Variants in DSP observed in about 807,000 individuals in gnomAD.
DSP encodes 250/210 kDa paraneoplastic pemphigus antigen.
In DSP, 114 loss-of-function variants were observed where a neutral mutation model predicts 290.6. The observed-to-expected ratio is 0.39, with a 90% CI of 0.34 to 0.46. The LOEUF is 0.46. Ranked by LOEUF, DSP falls within the 20% of genes least tolerant of loss-of-function variation. DSP has a pLI of 0.99. For synonymous variants in DSP, 1,311 were observed against 1,316.4 expected, an observed-to-expected ratio of 1.00 and a Z score of 0.09; for missense variants, 3,230 against 3,495.8, an observed-to-expected ratio of 0.92 and a Z score of 1.92.
chr6:7,577,940 C>A, intron 21 of DSP, 54 bp downstream of exon 21: 1 of 1,413,472 alleles, frequency 7.1e-7, no homozygotes, highest in South Asian at 1.2e-5. Context: ...TGCTTCTTCC[C>A]TTTTCCCTGT....
rs1267584840 is a variant in DSP, at chr6:7,574,691, C to T, written c.2332C>T (p.Leu778Phe). ...AGTAAGGGCACTGCTCCAGGCTATT[C>T]TCCAAACAGAAGACATGTTAAAGGT... ...CTVRALLQAI[L>F]QTEDMLKVYE... Residue 778 changes from leucine (L) to phenylalanine (F), a missense_variant, in exon 17 of 24, where the codon CTC (leucine) becomes TTC (phenylalanine). This residue lies in a region of DSP where 1,714 missense variants were observed against 1,844.5 expected (regional missense o/e 0.93). Transcript: ENST00000379802. 6.2e-7 allele frequency: 1 copy of T among 1,614,134 alleles called. No individual in the cohort carries two copies. Among genetic ancestry groups the T allele is most frequent in the South Asian group, 1.1e-5 (1 of 91,086 alleles).
chr6:7,554,112 C>A (rs2113651178), intron 1 of DSP, among the ~76,000 whole-genome samples: 1 of 151,460 alleles, frequency 6.6e-6, no homozygotes, highest in African/African-American at 2.4e-5. Flanking sequence ...CACACACACA[C>A]ACACACACAC....
chr6:7,586,065 CTT>C lies in DSP; in HGVS notation c.*188_*189del. ...CTGGCTTTTTATCTTCTTAGCTCAT[CTT>C]AAATAAGCAGTACACTTGGATGCAG... On this transcript the variant is annotated 3_prime_UTR_variant, in exon 24 of 24. Transcript: ENST00000379802. The C allele has an allele frequency of 1.6e-6, 1 of 642,864 alleles. No individual in the cohort carries two copies. Among genetic ancestry groups the C allele is most frequent in the South Asian group, 2.0e-5 (1 of 51,140 alleles). 39.8% of individuals were successfully genotyped at this position (642,864 alleles called of 1,614,324 possible). A position where few individuals can be genotyped will look rare whatever the true frequency, so the allele number is the denominator to read the frequency against.
At chr6:7,542,359 C>T (rs1228537482) in intron 1 of DSP, among the ~76,000 whole-genome samples, 1 of 152,086 alleles carries the variant, frequency 6.6e-6, no homozygotes, top group Non-Finnish European at 1.5e-5. Flanking sequence ...CGGGCCCGCG[C>T]GGGGCTGTCC....
rs759360499 is a variant in DSP, at chr6:7,585,560, C to G, written c.8298C>G (p.Asp2766Glu). 2 of 1,614,164 alleles carry G rather than the reference C, an allele frequency of 1.2e-6. No homozygotes were observed. The highest frequency in any genetic ancestry group is 1.7e-6 in the Non-Finnish European group (2 of 1,180,028). The change falls in exon 24 of 24, where the codon GAC becomes GAG. Residue 2766 changes from aspartate to glutamate, a missense_variant. Asp to Glu is a conservative substitution (Grantham distance 45, BLOSUM62 2). Transcript: ENST00000379802. ...IDGRAAQRLQDTSSYAKILTC... is the reference protein window; with the variant it reads ...IDGRAAQRLQETSSYAKILTC... Reference sequence around the variant, plus strand: ...GCCGCGCCGCACAGAGGCTGCAAGACACCAGCAGCTATGCCAAAATCCTGA... The same window carrying G: ...GCCGCGCCGCACAGAGGCTGCAAGAGACCAGCAGCTATGCCAAAATCCTGA...
At position 7,584,559 on chromosome 6, in the gene DSP, T is replaced by A. The variant is rs1362949949; in HGVS notation, c.7297T>A (p.Cys2433Ser). ...NLTYLQLKER[C>S]IKDEETGLCL... ...TACCTATCTGCAACTAAAAGAAAGA[T>A]GCATTAAGGATGAGGAAACAGGGCT... The change falls in exon 24 of 24, where the codon TGC becomes AGC. Residue 2433 changes from cysteine to serine, a missense_variant. By Grantham distance (112) the Cys-to-Ser change is moderately radical. Coordinates refer to ENST00000379802, the MANE Select transcript of DSP (RefSeq NM_004415.4). This position sits in a 1 kb window ranked among gnomAD's most constrained non-coding sequence, Gnocchi z 6.4. 1.2e-6 allele frequency: 2 copies of A among 1,614,004 alleles called. No individual in the cohort carries two copies. The highest frequency in any genetic ancestry group is 1.1e-5 in the South Asian group (1 of 91,070).
intron 1 of DSP, among the ~76,000 whole-genome samples, chr6:7,551,358 G>A (rs1758337384): frequency 6.6e-6 from 1 of 152,110 alleles, no homozygotes; most frequent in Admixed American, 6.5e-5. Flanking sequence ...TGGGAGTGGT[G>A]CCTCCCATCT....
At position 7,541,846 on chromosome 6, in the gene DSP, C is replaced by T. The variant is rs1757982573; in HGVS notation, c.-70C>T. On this transcript the variant is annotated 5_prime_UTR_variant, in exon 1 of 24. Coordinates refer to ENST00000379802, the MANE Select transcript of DSP (RefSeq NM_004415.4). Reference sequence around the variant, plus strand: ...GCCGTCCGCCTATCCTTGGCCCCCTCCGCTTTCTCCGCGCCGGCCCGCCTC... The same window carrying T: ...GCCGTCCGCCTATCCTTGGCCCCCTTCGCTTTCTCCGCGCCGGCCCGCCTC... The T allele has an allele frequency of 6.5e-7, 1 of 1,527,798 alleles. No homozygotes were observed. Among genetic ancestry groups the T allele is most frequent in the Non-Finnish European group, 8.8e-7 (1 of 1,137,112 alleles). The allele number at this position is 1,527,798 out of a possible 1,614,324, so 94.6% of individuals were successfully genotyped here. A position where few individuals can be genotyped will look rare whatever the true frequency, so the allele number is the denominator to read the frequency against.
At position 7,580,806 on chromosome 6, in the gene DSP, G is replaced by C. The variant is rs765354812; in HGVS notation, c.4616G>C (p.Arg1539Thr). 1 of 1,614,058 alleles carries C rather than the reference G, an allele frequency of 6.2e-7. No homozygotes were observed. Among genetic ancestry groups the C allele is most frequent in the African/African-American group, 1.3e-5 (1 of 74,938 alleles). ...CAGGAGCAAGAACTGACACGCCTGA[G>C]GATCGACTATGAAAGGGTTTCCCAG... ...KVQEQELTRL[R>T]IDYERVSQER... Residue 1539 changes from arginine (R) to threonine (T), a missense_variant, in exon 23 of 24, where the codon AGG becomes ACG. Arg to Thr is a moderately conservative substitution (Grantham distance 71). Coordinates refer to ENST00000379802, the MANE Select transcript of DSP (RefSeq NM_004415.4). This position sits in a 1 kb window ranked among gnomAD's most constrained non-coding sequence, Gnocchi z 4.2.
At chr6:7,570,714 C>A in intron 13 of DSP, 151 bp downstream of exon 13, 1 of 1,097,568 alleles carries the variant, frequency 9.1e-7, no homozygotes. Flanking sequence ...AGGTTCTGGT[C>A]TGTCCAATAG....
intron 11 of DSP, 93 bp from the exon 12 acceptor site, chr6:7,569,093 C>A: frequency 6.5e-7 from 1 of 1,538,358 alleles, no homozygotes; most frequent in Admixed American, 1.7e-5. Flanking sequence ...TTTAATAATT[C>A]GCATGTGTTC....
chr6:7,557,777 G>C (rs992890660), intron 2 of DSP, among the ~76,000 whole-genome samples: 1 of 151,940 alleles, frequency 6.6e-6, no homozygotes, highest in Non-Finnish European at 1.5e-5. Flanking sequence ...CTGTACCACT[G>C]TACCATAATG....
In DSP at chr6:7,542,021, G is replaced by A. The variant is rs1395509692; in HGVS notation, c.106G>A (p.Gly36Ser). 1.5e-5 allele frequency: 24 copies of A among 1,583,220 alleles called. No individual in the cohort carries two copies. The highest frequency in any genetic ancestry group is 1.7e-5 in the Non-Finnish European group (20 of 1,165,620). ...LRYEVTSGGG[G>S]TSRMYYSRRG... is the part of the protein sequence containing the mutation. ...CTACGAGGTGACCAGCGGCGGCGGGGGCACCAGCAGGATGTACTATTCTCG... is the reference window on the plus strand; with the variant it reads ...CTACGAGGTGACCAGCGGCGGCGGGAGCACCAGCAGGATGTACTATTCTCG... The change falls in exon 1 of 24, where the codon GGC (glycine) becomes AGC (serine). Residue 36 changes from glycine to serine, a missense_variant. Physicochemically the swap from Gly to Ser is moderately conservative, Grantham distance 56. Around this residue, in one of 5 missense-constraint regions of DSP, gnomAD observed 646 missense variants for 684.3 expected, o/e 0.94. Transcript: ENST00000379802.
In DSP at chr6:7,542,032, G is replaced by T. The variant is rs748578019; in HGVS notation, c.117G>T (p.Arg39Ser). 2.5e-5 allele frequency: 39 copies of T among 1,580,758 alleles called. No individual in the cohort carries two copies. Among genetic ancestry groups the T allele is most frequent in the Non-Finnish European group, 3.2e-5 (37 of 1,164,378 alleles). ...EVTSGGGGTS[R>S]MYYSRRGVIT... is the part of the protein sequence containing the mutation. The stretch of plus-strand genomic sequence containing the variant: ...CCAGCGGCGGCGGGGGCACCAGCAG[G>T]ATGTACTATTCTCGGCGCGGCGTGA... The change falls in exon 1 of 24, where the codon AGG becomes AGT. Residue 39 changes from arginine (R) to serine (S), a missense_variant. Physicochemically the swap from Arg to Ser is moderately radical, Grantham distance 110. This residue lies in a region of DSP where 646 missense variants were observed against 684.3 expected (regional missense o/e 0.94). Coordinates refer to ENST00000379802, the MANE Select transcript of DSP (RefSeq NM_004415.4).
intron 10 of DSP, 110 bp from the exon 11 acceptor site, chr6:7,568,327 A>G: frequency 2.4e-6 from 3 of 1,225,526 alleles, no homozygotes; most frequent in Non-Finnish European, 3.6e-6. Flanking sequence ...CAATTGATGC[A>G]ACTGCAGTGA....
At position 7,558,269 on chromosome 6, in the gene DSP, T is replaced by C. The variant is rs1305647891; in HGVS notation, c.422+5T>C. ...CTGTGATGCTTACCAGAAAAGGTATTGTCCACAGAGCATGGATCGGGCAGT... is the reference window on the plus strand; with the variant it reads ...CTGTGATGCTTACCAGAAAAGGTATCGTCCACAGAGCATGGATCGGGCAGT... On this transcript the variant is annotated splice_donor_5th_base_variant and intron_variant, in intron 3 of 23. Coordinates refer to ENST00000379802, the MANE Select transcript of DSP (RefSeq NM_004415.4). 1 of 1,613,588 alleles carries C rather than the reference T, an allele frequency of 6.2e-7. No homozygotes were observed. Among genetic ancestry groups the C allele is most frequent in the East Asian group, 2.2e-5 (1 of 44,874 alleles).
chr6:7,575,491 A>T lies in DSP; in HGVS notation c.2630+3A>T. 6.2e-7 allele frequency: 1 copy of T among 1,614,182 alleles called. No homozygotes were observed. Among genetic ancestry groups the T allele is most frequent in the Non-Finnish European group, 8.5e-7 (1 of 1,180,012 alleles). ...ATAGATAAACAGATCGACTTTAGGT[A>T]TGCCAGCCTCCTCCCGCTCCTTCCC... is the stretch of plus-strand genomic sequence containing the variant. On this transcript the variant is annotated splice_donor_region_variant and intron_variant, in intron 18 of 23. Transcript: ENST00000379802.
intron 1 of DSP, 136 bp downstream of exon 1, chr6:7,542,221 G>T: frequency 1.6e-6 from 2 of 1,232,552 alleles, no homozygotes; most frequent in Non-Finnish European, 2.2e-6. Context: ...GAACTTCCCG[G>T]CCGCGCTGGG....
intron 1 of DSP, among the ~76,000 whole-genome samples, chr6:7,552,529 C>G (rs1009654372): frequency 2.3e-4 from 34 of 147,944 alleles, no homozygotes; most frequent in Non-Finnish European, 4.3e-4. Context: ...TGCCACTGCA[C>G]TCCAGCCTGG....
Sources: allele counts gnomAD v4.1 joint callset (sites outside exome capture counted in the v4.1 genomes callset), GRCh38; gene constraint gnomAD v4.1.1; regional missense constraint gnomAD v4.1.1; non-coding constraint Gnocchi (gnomAD v3.1); transcripts MANE v1.5; gene names NCBI Gene and HGNC (gene_info 2026-07-23, HGNC 2026-07-21).